Variants in RSF1 observed in about 807,000 individuals in gnomAD.
RSF1 encodes the protein remodeling and spacing factor 1.
A neutral mutation model predicts 145.2 loss-of-function variants in RSF1; 13 were observed. The observed-to-expected ratio is 0.09, with a 90% CI of 0.06 to 0.14. The LOEUF is 0.14. Ranked by LOEUF, RSF1 falls within the 10% of genes least tolerant of loss-of-function variation. The pLI is 1.00. For missense variants in RSF1, 1,517 were observed against 1,718.2 expected, an observed-to-expected ratio of 0.88 and a Z score of 2.07; for synonymous variants, 577 against 592.6, an observed-to-expected ratio of 0.97 and a Z score of 0.38.
At chr11:77,815,956 C>T (rs1449058891) in intron 1 of RSF1, among the ~76,000 whole-genome samples, 1 of 152,156 alleles carries the variant, frequency 6.6e-6, no homozygotes, top group Admixed American at 6.5e-5. Context: ...CATTAACAGG[C>T]TCATGTTAGC....
chr11:77,872,210 T>C, the RSF1 span: 10 of 1,613,850 alleles, frequency 6.2e-6, no homozygotes, highest in South Asian at 5.5e-5. Context: ...TCAAGAAACA[T>C]GGCATTGATG....
chr11:77,737,621 G>GTGTGTGT (rs1554991241), intron 4 of RSF1, among the ~76,000 whole-genome samples: 5,970 of 93,226 alleles, frequency 0.064, 177 homozygotes, highest in Middle Eastern at 0.097. Flanking sequence ...TGTTTTGGGG[G>GTGTGTGT]GTGTGTGTGT....
intron 15 of RSF1, among the ~76,000 whole-genome samples, chr11:77,668,208 G>A (rs760839717): frequency 6.6e-6 from 1 of 151,868 alleles, no homozygotes; most frequent in Non-Finnish European, 1.5e-5. Flanking sequence ...CACCATGTTG[G>A]CCAGACTGAT....
At chr11:77,869,214 G>C in the RSF1 span, 11 of 200,220 alleles carry the variant, frequency 5.5e-5, no homozygotes, top group East Asian at 1.4e-3. Context: ...ATTACTGGAA[G>C]ATGGTTGTTC....
At chr11:77,779,655 A>G (rs1266872225) in intron 1 of RSF1, among the ~76,000 whole-genome samples, 2 of 152,048 alleles carry the variant, frequency 1.3e-5, no homozygotes, top group African/African-American at 4.8e-5. Flanking sequence ...ACAGGTGTGA[A>G]CCACCACACC....
chr11:77,739,244 G>C (rs1258375953), intron 4 of RSF1: 1 of 152,480 alleles, frequency 6.6e-6, no homozygotes, highest in African/African-American at 2.4e-5. Flanking sequence ...CAGCCCATTA[G>C]ACATTATTTT....
the RSF1 span, among the ~76,000 whole-genome samples, chr11:77,846,906 G>A: frequency 1.3e-5 from 2 of 152,074 alleles, no homozygotes; most frequent in African/African-American, 4.8e-5. Flanking sequence ...GTCCCATAAA[G>A]GAAGATTCAT....
the RSF1 span, among the ~76,000 whole-genome samples, chr11:77,832,979 GT>G: frequency 1.8e-5 from 1 of 56,354 alleles, no homozygotes; most frequent in African/African-American, 8.9e-5. Context: ...GTGTGTGTGT[GT>G]GTGTGTGTGT....
At chr11:77,823,621 C>CA (rs397970373), upstream of RSF1, among the ~76,000 whole-genome samples, 59,061 of 97,304 alleles carry the variant, frequency 0.61, 17,161 homozygotes, top group South Asian at 0.78. Flanking sequence ...CACCCTGTCT[C>CA]AAAAAAAAAA....
chr11:77,717,914 T>C (rs1356721870), intron 5 of RSF1: 1 of 152,230 alleles, frequency 6.6e-6, no homozygotes, highest in African/African-American at 2.4e-5. Flanking sequence ...TTACCAGTAA[T>C]CTATTCACTA....
At chr11:77,840,947 G>A in the RSF1 span, 59 of 462,496 alleles carry the variant, frequency 1.3e-4, no homozygotes, top group Non-Finnish European at 2.1e-4. Context: ...AATCCATGTT[G>A]TGCTCCTATA....
the RSF1 span, among the ~76,000 whole-genome samples, chr11:77,844,682 T>C: frequency 6.6e-6 from 1 of 152,118 alleles, no homozygotes; most frequent in South Asian, 2.1e-4. Context: ...GAATACACGT[T>C]TATTCATTGG....
intron 9 of RSF1, among the ~76,000 whole-genome samples, chr11:77,690,211 C>G (rs566695615): frequency 6.6e-6 from 1 of 151,252 alleles, no homozygotes; most frequent in African/African-American, 2.4e-5. Context: ...CTTAAGACCA[C>G]CACTGCAATG....
At chr11:77,778,300 A>G (rs985516763) in intron 1 of RSF1, among the ~76,000 whole-genome samples, 7 of 147,916 alleles carry the variant, frequency 4.7e-5, no homozygotes, top group South Asian at 2.2e-4. Context: ...AAATACCTTC[A>G]GGCTTTAGAG....
At chr11:77,762,684 A>C (rs988826451) in intron 2 of RSF1, 2 of 152,220 alleles carry the variant, frequency 1.3e-5, no homozygotes, top group African/African-American at 4.8e-5. Flanking sequence ...TAGTCTGCTA[A>C]GTCTAGGCTT....
rs1020429101 is a variant in RSF1, at chr11:77,805,455, GA to G, written c.187+15072del. Among the ~76,000 whole-genome samples, 196 of 148,566 alleles carry G rather than the reference GA, an allele frequency of 1.3e-3. 1 individual carries two copies. Among genetic ancestry groups the G allele is most frequent in the African/African-American group, 4.6e-3 (188 of 40,470 alleles). On this transcript the variant is annotated intron_variant, in intron 1 of 15. Coordinates refer to ENST00000308488, the MANE Select transcript of RSF1 (RefSeq NM_016578.4). ...GACTCCATCTCAAAAAAAGAAAAAA[GA>G]AAAAAAAAGAAAAGACAGATTATCT...
chr11:77,673,344 G>A (rs1263712770), intron 14 of RSF1, among the ~76,000 whole-genome samples: 1 of 152,228 alleles, frequency 6.6e-6, no homozygotes, highest in Non-Finnish European at 1.5e-5. Context: ...GTGAGGCTGT[G>A]GCATTATGTC....
At chr11:77,691,473 G>A (rs554658513) in intron 8 of RSF1, among the ~76,000 whole-genome samples, 1 of 152,272 alleles carries the variant, frequency 6.6e-6, no homozygotes, top group Non-Finnish European at 1.5e-5. Flanking sequence ...AAAAGAAACG[G>A]ATTCTGTGCC....
chr11:77,743,368 A>T, intron 3 of RSF1, among the ~76,000 whole-genome samples: 1 of 152,240 alleles, frequency 6.6e-6, no homozygotes, highest in East Asian at 1.9e-4. Flanking sequence ...ATCCATGAAC[A>T]CAGGACATCT....
Sources: allele counts gnomAD v4.1 joint callset (sites outside exome capture counted in the v4.1 genomes callset), GRCh38; gene constraint gnomAD v4.1.1; transcripts MANE v1.5; gene names NCBI Gene and HGNC (gene_info 2026-07-23, HGNC 2026-07-21).